Variants in GRID2 observed in about 807,000 individuals in gnomAD.
GRID2 encodes the protein glutamate receptor ionotropic, delta-2.
In GRID2, 33 loss-of-function variants were observed where a neutral mutation model predicts 114.8. The observed-to-expected ratio is 0.29, with a 90% CI of 0.22 to 0.38. The LOEUF is 0.38. GRID2 is among the 10% of genes least tolerant of loss of function. The pLI is 1.00. For synonymous variants in GRID2, 505 were observed against 449.9 expected (o/e 1.12, Z -1.55); for missense variants, 1,184 against 1,257.7 (o/e 0.94, Z 0.89).
chr4:93,158,874 C>G (rs1737415604), intron 4 of GRID2, among the ~76,000 whole-genome samples: 1 of 151,430 alleles, frequency 6.6e-6, no homozygotes, highest in South Asian at 2.1e-4. Flanking sequence ...TCAGAAGGTG[C>G]TGAAGATAAC....
intron 2 of GRID2, among the ~76,000 whole-genome samples, chr4:92,828,160 G>C (rs139058812): frequency 6.6e-6 from 1 of 152,018 alleles, no homozygotes; most frequent in Non-Finnish European, 1.5e-5. Flanking sequence ...AACCAAAGCC[G>C]ATTACATTTG....
At chr4:92,328,419 G>GGACTT (rs1726705922) in intron 1 of GRID2, among the ~76,000 whole-genome samples, 1 of 151,960 alleles carries the variant, frequency 6.6e-6, no homozygotes, top group African/African-American at 2.4e-5. Context: ...ACAGCATAAC[G>GGACTT]GACTTGCGTT....
At chr4:92,960,994 A>G (rs1202034098) in intron 2 of GRID2, among the ~76,000 whole-genome samples, 1 of 151,922 alleles carries the variant, frequency 6.6e-6, no homozygotes, top group East Asian at 1.9e-4. Context: ...GTCCACCTTC[A>G]AGTAACACTA....
intron 8 of GRID2, among the ~76,000 whole-genome samples, chr4:93,330,642 T>A (rs1222357315): frequency 1.3e-5 from 2 of 152,088 alleles, no homozygotes; most frequent in African/African-American, 2.4e-5. Flanking sequence ...TCAACGCTAC[T>A]CTCCCTGGAT....
At chr4:92,420,397 C>G (rs970267288) in intron 1 of GRID2, among the ~76,000 whole-genome samples, 15 of 152,130 alleles carry the variant, frequency 9.9e-5, no homozygotes, top group African/African-American at 3.6e-4. Context: ...TTATGATTAT[C>G]CTATCTAAGC....
intron 8 of GRID2, among the ~76,000 whole-genome samples, chr4:93,293,632 G>C (rs922108451): frequency 2.0e-5 from 3 of 151,714 alleles, no homozygotes; most frequent in African/African-American, 7.3e-5. Flanking sequence ...CAAAGTAGTT[G>C]TTGCCAAAAT....
At chr4:92,476,732 A>C (rs1722332486) in intron 1 of GRID2, among the ~76,000 whole-genome samples, 1 of 152,228 alleles carries the variant, frequency 6.6e-6, no homozygotes, top group Non-Finnish European at 1.5e-5. Flanking sequence ...TATTCTAAAA[A>C]AGATTACATA....
chr4:92,766,845 T>C (rs1012412002), intron 2 of GRID2, among the ~76,000 whole-genome samples: 1 of 152,210 alleles, frequency 6.6e-6, no homozygotes, highest in African/African-American at 2.4e-5. Context: ...GTTTCACAGA[T>C]TGATTTTAGA....
intron 14 of GRID2, among the ~76,000 whole-genome samples, chr4:93,751,385 C>T (rs958852919): frequency 6.6e-6 from 1 of 152,084 alleles, no homozygotes; most frequent in Non-Finnish European, 1.5e-5. Context: ...ATTGGTGTTG[C>T]TTTTCACCTG....
At chr4:92,945,148 C>A (rs1011532033) in intron 2 of GRID2, among the ~76,000 whole-genome samples, 1 of 152,126 alleles carries the variant, frequency 6.6e-6, no homozygotes, top group Non-Finnish European at 1.5e-5. Context: ...TTTATTGCTT[C>A]TATACATCCT....
chr4:92,775,992 A>T (rs570240386), intron 2 of GRID2, among the ~76,000 whole-genome samples: 2 of 152,282 alleles, frequency 1.3e-5, no homozygotes, highest in Admixed American at 6.5e-5. Context: ...AGATAATTTT[A>T]AAAAATTGAC....
At chr4:93,537,493 T>C (rs796556586) in intron 13 of GRID2, among the ~76,000 whole-genome samples, 60 of 151,928 alleles carry the variant, frequency 3.9e-4, no homozygotes, top group African/African-American at 1.3e-3. Flanking sequence ...TTAAGTTCTA[T>C]GTGAATTGAC....
At chr4:92,415,167 TATATC>T (rs1731535273) in intron 1 of GRID2, among the ~76,000 whole-genome samples, 1 of 152,236 alleles carries the variant, frequency 6.6e-6, no homozygotes, top group Non-Finnish European at 1.5e-5. Flanking sequence ...TAATTACTGA[TATATC>T]TTAACAGAAA....
chr4:93,761,210 A>G (rs1733178677), intron 14 of GRID2, among the ~76,000 whole-genome samples: 2 of 152,208 alleles, frequency 1.3e-5, no homozygotes, highest in Admixed American at 6.5e-5. Flanking sequence ...ATATTAATAC[A>G]CTATTGAAAG....
rs570244510 is a variant in GRID2 at position 93,696,641 on chromosome 4, C to T, written c.2360+70206C>T. 2.6e-5 allele frequency among the ~76,000 whole-genome samples: 4 copies of T among 152,210 alleles called. No homozygotes were observed. In the South Asian group the frequency reaches 6.2e-4, roughly 24 times the overall value. ...CATATGTATTGTTTTAAAGCATTAG[C>T]GAAAACTCTCAAATAATTGCCAAAT... On this transcript the variant is annotated intron_variant, in intron 14 of 15. Transcript: ENST00000282020.
intron 1 of GRID2, among the ~76,000 whole-genome samples, chr4:92,517,075 G>C (rs777109121): frequency 1.4e-5 from 2 of 142,842 alleles, no homozygotes; most frequent in Non-Finnish European, 3.2e-5. Context: ...ACTTCTTATA[G>C]TATTGCTCTT....
intron 10 of GRID2, among the ~76,000 whole-genome samples, chr4:93,451,647 T>C (rs1257079634): frequency 6.6e-6 from 1 of 151,948 alleles, no homozygotes; most frequent in African/African-American, 2.4e-5. Context: ...TTGGCTACAA[T>C]AGGGAGACTG....
chr4:93,588,992 C>T (rs1048683464), intron 13 of GRID2, among the ~76,000 whole-genome samples: 3 of 151,642 alleles, frequency 2.0e-5, no homozygotes, highest in South Asian at 2.1e-4. Flanking sequence ...AGCTTTTCAG[C>T]GTAGAATTCA....
chr4:93,080,500 A>G (rs895104426), intron 2 of GRID2, among the ~76,000 whole-genome samples: 3 of 152,218 alleles, frequency 2.0e-5, no homozygotes, highest in Admixed American at 1.3e-4. Flanking sequence ...TATTCAGGTA[A>G]CATTTCATAA....
Sources: gnomAD v4.1 joint callset for allele counts (sites outside exome capture counted in the v4.1 genomes callset) on GRCh38, gnomAD v4.1.1 for gene constraint, MANE v1.5 for transcripts, NCBI Gene and HGNC (gene_info 2026-07-23, HGNC 2026-07-21) for gene names.